Variants in DNAH14 observed in about 807,000 individuals in gnomAD.
DNAH14 encodes axonemal beta dynein heavy chain 14.
DNAH14 carries 478 observed loss-of-function variants against 520.9 expected under a neutral mutation model. That is an observed-to-expected ratio of 0.92 (90% CI 0.85 to 0.99). The LOEUF (loss-of-function observed/expected upper bound fraction) is 0.99. Among genes scored for constraint, DNAH14 ranks in the 50% least tolerant of loss-of-function variants. The pLI is 0.00. For missense variants in DNAH14, 4,831 were observed against 5,234.5 expected (o/e 0.92, Z 2.38); for synonymous variants, 1,581 against 1,757.2 (o/e 0.90, Z 2.51).
chr1:225,170,794 A>C (rs1486874489), intron 36 of DNAH14, among the ~76,000 whole-genome samples: 1 of 152,144 alleles, frequency 6.6e-6, no homozygotes, highest in African/African-American at 2.4e-5. Flanking sequence ...AAAACCCTCC[A>C]CCCCAAATCA....
At chr1:225,335,074 C>T (rs1394119934) in intron 66 of DNAH14, among the ~76,000 whole-genome samples, 1 of 147,054 alleles carries the variant, frequency 6.8e-6, no homozygotes, top group Non-Finnish European at 1.5e-5. Flanking sequence ...GTATATATAA[C>T]GTACATATGT....
At chr1:225,350,412 C>T (rs908780751) in intron 71 of DNAH14, among the ~76,000 whole-genome samples, 2 of 151,464 alleles carry the variant, frequency 1.3e-5, no homozygotes, top group African/African-American at 2.4e-5. Context: ...ATAATAAAGA[C>T]TAAAGCAGTG....
At chr1:225,101,523 C>A (rs1268023618) in intron 23 of DNAH14, among the ~76,000 whole-genome samples, 1 of 152,094 alleles carries the variant, frequency 6.6e-6, no homozygotes, top group Non-Finnish European at 1.5e-5. Flanking sequence ...CTCCTCCTAT[C>A]CTCTGGTTAT....
At chr1:225,083,490 A>T (rs1572945801) in intron 20 of DNAH14, among the ~76,000 whole-genome samples, 1 of 152,258 alleles carries the variant, frequency 6.6e-6, no homozygotes, top group Middle Eastern at 3.4e-3. Context: ...CCAAATTCAC[A>T]TATGTAATCT....
intron 38 of DNAH14, among the ~76,000 whole-genome samples, chr1:225,200,835 C>A (rs920078588): frequency 6.6e-6 from 1 of 152,054 alleles, no homozygotes; most frequent in African/African-American, 2.4e-5. Context: ...AGTGTGCCTA[C>A]GCGATGATCT....
chr1:225,116,889 A>G (rs1479103930), intron 23 of DNAH14, among the ~76,000 whole-genome samples: 1 of 152,210 alleles, frequency 6.6e-6, no homozygotes, highest in Non-Finnish European at 1.5e-5. Context: ...GTGGCAGAGC[A>G]CGAGACAACT....
intron 17 of DNAH14, among the ~76,000 whole-genome samples, chr1:225,077,939 CAT>C (rs2072499177): frequency 6.6e-6 from 1 of 152,030 alleles, no homozygotes. Flanking sequence ...TAGACACACA[CAT>C]ATGTGAAATT....
chr1:225,053,485 A>T (rs1572720268), intron 17 of DNAH14, among the ~76,000 whole-genome samples: 1 of 152,248 alleles, frequency 6.6e-6, no homozygotes, highest in East Asian at 1.9e-4. Context: ...TGTAATTTGC[A>T]TTTTTGTGTG....
intron 21 of DNAH14, among the ~76,000 whole-genome samples, chr1:225,086,384 T>A (rs1309991939): frequency 6.6e-6 from 1 of 151,956 alleles, no homozygotes; most frequent in African/African-American, 2.4e-5. Context: ...TCTGCCCACC[T>A]CAGCCTCCCA....
chr1:225,073,893 A>C (rs1337803328), intron 17 of DNAH14, among the ~76,000 whole-genome samples: 2 of 151,362 alleles, frequency 1.3e-5, no homozygotes, highest in Non-Finnish European at 2.9e-5. Flanking sequence ...ATGTTGGCCA[A>C]AATGTTCTCA....
intron 22 of DNAH14, 110 bp from the exon 23 acceptor site, chr1:225,100,603 C>CTAA: frequency 1.1e-6 from 1 of 877,712 alleles, no homozygotes; most frequent in Non-Finnish European, 1.6e-6. Flanking sequence ...GAAAATTTAA[C>CTAA]ATCAAATGTT....
In DNAH14 at chr1:225,331,403, TA is replaced by T; in HGVS notation, c.9724-33del. The T allele has an allele frequency of 1.9e-6, 3 of 1,540,970 alleles. No individual in the cohort carries two copies. The South Asian group carries it at 3.6e-5, about 19-fold the overall frequency. ...GTCTTGAAGCAAAATGAGAGTAAGA[TA>T]TTTTTCTCAATAATGAATTAATTAT... On this transcript the variant is annotated intron_variant, in intron 64 of 85. Transcript: ENST00000682510.
intron 23 of DNAH14, among the ~76,000 whole-genome samples, chr1:225,107,960 A>G (rs2148798202): frequency 6.6e-6 from 1 of 152,268 alleles, no homozygotes; most frequent in African/African-American, 2.4e-5. Context: ...TACTGGATTA[A>G]AGGATGCAAA....
intron 4 of DNAH14, chr1:224,961,147 C>A (rs954876975): frequency 6.6e-6 from 1 of 152,116 alleles, no homozygotes; most frequent in Non-Finnish European, 1.5e-5. Flanking sequence ...TGATTCCAAT[C>A]ACAAAGAAAT....
chr1:225,014,003 GA>G (rs1424085300), intron 10 of DNAH14, among the ~76,000 whole-genome samples: 3 of 152,038 alleles, frequency 2.0e-5, no homozygotes, highest in Admixed American at 6.5e-5. Flanking sequence ...ACTGGGGTAT[GA>G]AAAAAACTCC....
At chr1:225,330,096 A>G (rs577953424) in intron 64 of DNAH14, among the ~76,000 whole-genome samples, 12 of 152,346 alleles carry the variant, frequency 7.9e-5, no homozygotes, top group African/African-American at 2.9e-4. Flanking sequence ...TAAAAACTAC[A>G]GTGAGATATC....
Position 225,080,734 on chromosome 1 carries a change from C to T in DNAH14, c.3122C>T (p.Ser1041Leu), listed in dbSNP as rs370909788. 2.7e-5 allele frequency: 41 copies of T among 1,517,334 alleles called. No individual in the cohort carries two copies. Among genetic ancestry groups the T allele is most frequent in the Non-Finnish European group, 3.1e-5 (35 of 1,131,552 alleles). 94.0% of individuals were successfully genotyped at this position (1,517,334 alleles called of 1,614,324 possible). A position where few individuals can be genotyped will look rare whatever the true frequency, so the allele number is the denominator to read the frequency against. The stretch of plus-strand genomic sequence containing the variant: ...GTTTCAAAACTGATGCACATAATCT[C>T]GGTACTAGAAAAAGGTAAAAATGTG... ...RNVSKLMHIISVLEKGLPKSD... is the reference protein window; with the variant it reads ...RNVSKLMHIILVLEKGLPKSD... The change falls in exon 19 of 86, where the codon TCG (serine) becomes TTG (leucine). Residue 1041 changes from serine (S) to leucine (L), a missense_variant. Transcript: ENST00000682510.
intron 3 of DNAH14, among the ~76,000 whole-genome samples, chr1:224,956,485 T>A (rs1464972466): frequency 2.6e-5 from 4 of 152,116 alleles, no homozygotes; most frequent in Non-Finnish European, 4.4e-5. Flanking sequence ...CTATACAGAT[T>A]TGTAGCCTCG....
intron 27 of DNAH14, among the ~76,000 whole-genome samples, chr1:225,129,653 A>G (rs983486373): frequency 6.6e-6 from 1 of 151,936 alleles, no homozygotes; most frequent in South Asian, 2.1e-4. Context: ...CTTACACCTT[A>G]TACAAAAATT....
Sources: gnomAD v4.1 joint callset for allele counts (sites outside exome capture counted in the v4.1 genomes callset) on GRCh38, gnomAD v4.1.1 for gene constraint, MANE v1.5 for transcripts, NCBI Gene and HGNC (gene_info 2026-07-23, HGNC 2026-07-21) for gene names.